Variants in CCDC7 observed in about 807,000 individuals in gnomAD.
CCDC7 encodes the protein coiled-coil domain containing 7, also known as coiled-coil domain-containing protein 7.
In CCDC7, 183 loss-of-function variants were observed where a neutral mutation model predicts 196.9. The ratio of observed to expected loss-of-function variants is 0.93; its 90% CI spans 0.82 to 1.05. The LOEUF (loss-of-function observed/expected upper bound fraction) is 1.05. CCDC7 is among the 50% of genes least tolerant of loss of function. The probability of loss-of-function intolerance (pLI) is 0.00; values close to 1 mark genes in which losing one functional copy is unlikely to be tolerated. For synonymous variants in CCDC7, 525 were observed against 484.6 expected (o/e 1.08, Z -1.10); for missense variants, 1,540 against 1,482.2 (o/e 1.04, Z -0.64).
intron 29 of CCDC7, among the ~76,000 whole-genome samples, chr10:32,801,969 C>T (rs943660732): frequency 1.3e-5 from 2 of 152,182 alleles, no homozygotes; most frequent in Non-Finnish European, 2.9e-5. Context: ...TGCATGGTCC[C>T]ATTCTTTTCC....
chr10:32,711,610 C>G lies in CCDC7; in HGVS notation c.2459-10C>G, dbSNP rs896886677. On this transcript the variant is annotated splice_polypyrimidine_tract_variant and intron_variant, in intron 24 of 41. Coordinates refer to ENST00000639629, the Ensembl canonical transcript of CCDC7. Reference sequence around the variant, plus strand: ...TTCTAGTAAGGGACTAAATTTCTCTCTTAACATAGCTCATGATGAAGAATC... The same window carrying G: ...TTCTAGTAAGGGACTAAATTTCTCTGTTAACATAGCTCATGATGAAGAATC... 6 of 1,540,074 alleles carry G rather than the reference C, an allele frequency of 3.9e-6. No individual in the cohort carries two copies. Among genetic ancestry groups the G allele is most frequent in the Admixed American group, 2.0e-5 (1 of 50,718 alleles).
At chr10:32,704,651 C>G (rs898770881) in intron 24 of CCDC7, among the ~76,000 whole-genome samples, 1 of 152,116 alleles carries the variant, frequency 6.6e-6, no homozygotes, top group Non-Finnish European at 1.5e-5. Flanking sequence ...CTGTGGTGGG[C>G]TCCACCCAGT....
chr10:32,598,476 G>C (rs1024379383), intron 18 of CCDC7, among the ~76,000 whole-genome samples: 12 of 152,152 alleles, frequency 7.9e-5, no homozygotes, highest in Non-Finnish European at 1.8e-4. Flanking sequence ...GCCCTGCCCT[G>C]CTCCGTGGGC....
chr10:32,536,267 AC>A (rs1213193020), intron 11 of CCDC7, among the ~76,000 whole-genome samples: 1 of 151,972 alleles, frequency 6.6e-6, no homozygotes, highest in Non-Finnish European at 1.5e-5. Context: ...CTATGATCAG[AC>A]CCCTGCAGAA....
At chr10:32,879,108 T>C (rs1235018246), downstream of CCDC7, among the ~76,000 whole-genome samples, 1 of 152,152 alleles carries the variant, frequency 6.6e-6, no homozygotes, top group Non-Finnish European at 1.5e-5. Context: ...ACAGGTTTGT[T>C]ACATAGTTAA....
chr10:32,666,764 T>C (rs887605602), intron 21 of CCDC7, among the ~76,000 whole-genome samples: 10 of 152,046 alleles, frequency 6.6e-5, no homozygotes, highest in Admixed American at 4.6e-4. Flanking sequence ...TTTTCTTAAT[T>C]CAGTCTATCA....
chr10:32,603,871 A>G (rs555618394), intron 18 of CCDC7, among the ~76,000 whole-genome samples: 1 of 152,198 alleles, frequency 6.6e-6, no homozygotes, highest in Admixed American at 6.5e-5. Flanking sequence ...TTGAAGGAAT[A>G]GTTTGCAAAT....
At chr10:32,732,834 A>G (rs1413857443) in intron 28 of CCDC7, among the ~76,000 whole-genome samples, 5 of 152,146 alleles carry the variant, frequency 3.3e-5, no homozygotes, top group Non-Finnish European at 5.9e-5. Flanking sequence ...TTAACATAGC[A>G]TCTTTTTAAT....
intron 18 of CCDC7, among the ~76,000 whole-genome samples, chr10:32,599,579 G>A (rs2060779792): frequency 6.6e-6 from 1 of 151,322 alleles, no homozygotes; most frequent in East Asian, 1.9e-4. Flanking sequence ...TTTCTTTTGT[G>A]TATGTTTTTA....
At chr10:32,564,952 GGGTAAC>G (rs2056534518) in intron 13 of CCDC7, among the ~76,000 whole-genome samples, 4 of 152,108 alleles carry the variant, frequency 2.6e-5, no homozygotes, top group African/African-American at 9.7e-5. Flanking sequence ...ACTCTAGCCT[GGGTAAC>G]AGAGCAAGAC....
At chr10:32,459,229 G>A (rs1051251705) in intron 3 of CCDC7, among the ~76,000 whole-genome samples, 1 of 152,064 alleles carries the variant, frequency 6.6e-6, no homozygotes, top group Non-Finnish European at 1.5e-5. Context: ...CATGTTGTCT[G>A]CAAACAGGGA....
chr10:32,850,033 C>T (rs2093486872), intron 39 of CCDC7, among the ~76,000 whole-genome samples: 1 of 152,086 alleles, frequency 6.6e-6, no homozygotes, highest in South Asian at 2.1e-4. Flanking sequence ...AAAATGCAAA[C>T]TCTTTGTTGC....
intron 39 of CCDC7, 81 bp downstream of exon 40, chr10:32,848,799 T>C: frequency 9.0e-7 from 1 of 1,116,568 alleles, no homozygotes; most frequent in Non-Finnish European, 1.3e-6. Context: ...CATTTACTCT[T>C]TTTGCATCTT....
At chr10:32,479,149 C>T (rs919873106) in intron 8 of CCDC7, among the ~76,000 whole-genome samples, 1 of 152,198 alleles carries the variant, frequency 6.6e-6, no homozygotes, top group South Asian at 2.1e-4. Context: ...GATGGTCCCT[C>T]TTTCTTTTTT....
intron 13 of CCDC7, among the ~76,000 whole-genome samples, chr10:32,561,407 TCTC>T (rs2055594536): frequency 6.6e-6 from 1 of 151,946 alleles, no homozygotes; most frequent in Non-Finnish European, 1.5e-5. Flanking sequence ...GAAGTAAAGC[TCTC>T]CTCAGCAAAT....
intron 25 of CCDC7, among the ~76,000 whole-genome samples, chr10:32,720,642 G>A (rs905467465): frequency 2.6e-5 from 4 of 152,122 alleles, no homozygotes; most frequent in Non-Finnish European, 5.9e-5. Flanking sequence ...AGAATCTTAT[G>A]TAAACATCCC....
Position 32,562,643 on chromosome 10 carries a change from C to T in CCDC7, c.1135-2915C>T, listed in dbSNP as rs552655289. On this transcript the variant is annotated intron_variant, in intron 13 of 41. Transcript: ENST00000639629. Reference sequence around the variant, plus strand: ...CTCAATAAATTAGGTATTGATGGGACGTATCTCAAAATAATAAGAGCTATC... The same window carrying T: ...CTCAATAAATTAGGTATTGATGGGATGTATCTCAAAATAATAAGAGCTATC... 1.0e-3 allele frequency among the ~76,000 whole-genome samples: 154 copies of T among 152,176 alleles called. 1 individual carries two copies. Among genetic ancestry groups the T allele is most frequent in the African/African-American group, 2.9e-3 (119 of 41,492 alleles).
At chr10:32,674,851 CT>C (rs1312776001) in intron 21 of CCDC7, among the ~76,000 whole-genome samples, 1 of 151,392 alleles carries the variant, frequency 6.6e-6, no homozygotes, top group Non-Finnish European at 1.5e-5. Context: ...GTGTGGTGAC[CT>C]TTTTTTTGTC....
rs149732208 is a variant in CCDC7, at chr10:32,802,157, G to A, written c.3014-2858G>A. 1.1e-4 allele frequency among the ~76,000 whole-genome samples: 16 copies of A among 152,246 alleles called. No homozygotes were observed. The East Asian group carries it at 3.1e-3, about 29-fold the overall frequency. ...CCTTAGAAGATTTGAGGCTTAGTAT[G>A]TGCTTCTAGAGCCGGGAGATAGAAT... On this transcript the variant is annotated intron_variant, in intron 29 of 41. Coordinates refer to ENST00000639629, the Ensembl canonical transcript of CCDC7.
Sources: allele counts gnomAD v4.1 joint callset (sites outside exome capture counted in the v4.1 genomes callset), GRCh38; gene constraint gnomAD v4.1.1; transcripts MANE v1.5; gene names NCBI Gene and HGNC (gene_info 2026-07-23, HGNC 2026-07-21).